Variants in ATF7 observed in about 807,000 individuals in gnomAD.
ATF7 encodes the protein cyclic AMP-dependent transcription factor ATF-7.
Under a neutral mutation model 50.4 loss-of-function variants are expected in ATF7, and 10 were observed. The observed-to-expected ratio is 0.20, with a 90% CI of 0.12 to 0.34. The LOEUF is 0.34. Among genes scored for constraint, ATF7 ranks in the 10% least tolerant of loss-of-function variants. The pLI, the probability that ATF7 is intolerant of heterozygous loss-of-function variation, is 1.00. For synonymous variants in ATF7, 201 were observed against 226.4 expected, an observed-to-expected ratio of 0.89 and a Z score of 1.01; for missense variants, 465 against 613.9, an observed-to-expected ratio of 0.76 and a Z score of 2.56.
intron 9 of ATF7, among the ~76,000 whole-genome samples, chr12:53,531,262 A>G (rs1938862593): frequency 1.3e-5 from 2 of 151,978 alleles, no homozygotes. Flanking sequence ...CTCTACTAAA[A>G]ATACAAAAAA....
chr12:53,582,673 G>A (rs1942488417), intron 2 of ATF7, among the ~76,000 whole-genome samples: 1 of 152,184 alleles, frequency 6.6e-6, no homozygotes, highest in Admixed American at 6.5e-5. Context: ...CCGCCTCCTG[G>A]GTTGACGCCA....
chr12:53,620,439 A>G (rs1183511516), intron 1 of ATF7, among the ~76,000 whole-genome samples: 3 of 150,114 alleles, frequency 2.0e-5, no homozygotes, highest in African/African-American at 4.9e-5. Context: ...AGCCGGGCGT[A>G]GTGGCGGGCG....
intron 3 of ATF7, among the ~76,000 whole-genome samples, chr12:53,544,273 C>T (rs1398681275): frequency 2.0e-5 from 3 of 152,180 alleles, no homozygotes; most frequent in Admixed American, 6.5e-5. Context: ...TTTACATTCT[C>T]CCTCCCAATC....
intron 4 of ATF7, among the ~76,000 whole-genome samples, chr12:53,542,277 A>AG (rs1939612522): frequency 6.6e-6 from 1 of 151,608 alleles, no homozygotes; most frequent in Non-Finnish European, 1.5e-5. Flanking sequence ...TAAAAAAAAA[A>AG]TTAGCCAGGT....
chr12:53,542,105 C>CTTTTTTTT (rs1565935478), intron 4 of ATF7, among the ~76,000 whole-genome samples: 1 of 81,896 alleles, frequency 1.2e-5, no homozygotes, highest in African/African-American at 4.5e-5. Flanking sequence ...TGCGCCTGGC[C>CTTTTTTTT]TGTTTTTTTT....
At chr12:53,588,483 T>C (rs1221648444) in intron 2 of ATF7, among the ~76,000 whole-genome samples, 4 of 152,206 alleles carry the variant, frequency 2.6e-5, no homozygotes, top group Non-Finnish European at 5.9e-5. Context: ...AATTCCACCT[T>C]AGTCATATTT....
At chr12:53,611,681 C>T (rs1354131863) in intron 1 of ATF7, among the ~76,000 whole-genome samples, 2 of 152,040 alleles carry the variant, frequency 1.3e-5, no homozygotes, top group African/African-American at 4.8e-5. Flanking sequence ...ACCTCTGCCT[C>T]CTGGGTTCAA....
downstream of ATF7, among the ~76,000 whole-genome samples, chr12:53,509,409 G>A (rs1299675461): frequency 6.6e-6 from 1 of 151,534 alleles, no homozygotes; most frequent in Non-Finnish European, 1.5e-5. Flanking sequence ...CGGGGTCTTA[G>A]TTTGCTCCAT....
intron 11 of ATF7, among the ~76,000 whole-genome samples, chr12:53,521,865 A>G (rs1016055126): frequency 4.6e-5 from 7 of 152,254 alleles, no homozygotes; most frequent in African/African-American, 1.7e-4. Context: ...CCTGAAGTAC[A>G]TATTAAAATT....
At chr12:53,623,032 G>A (rs538777203) in intron 1 of ATF7, among the ~76,000 whole-genome samples, 2 of 152,252 alleles carry the variant, frequency 1.3e-5, no homozygotes, top group Admixed American at 6.5e-5. Context: ...GAATGAAAGC[G>A]ATAAGTGTCA....
At chr12:53,573,292 G>A (rs1169104970) in intron 2 of ATF7, among the ~76,000 whole-genome samples, 1 of 152,064 alleles carries the variant, frequency 6.6e-6, no homozygotes, top group Non-Finnish European at 1.5e-5. Flanking sequence ...CCATATCCAT[G>A]GGGGACTGGT....
At chr12:53,564,822 G>T (rs1941355528) in intron 2 of ATF7, among the ~76,000 whole-genome samples, 1 of 152,078 alleles carries the variant, frequency 6.6e-6, no homozygotes, top group African/African-American at 2.4e-5. Flanking sequence ...GCCCGGAATG[G>T]CTTTCAACAT....
chr12:53,604,720 C>T (rs930278500), intron 1 of ATF7, among the ~76,000 whole-genome samples: 1 of 152,052 alleles, frequency 6.6e-6, no homozygotes, highest in East Asian at 1.9e-4. Flanking sequence ...GCAGATACTG[C>T]TAGGTACAAA....
At chr12:53,607,188 A>C (rs1187935464) in intron 1 of ATF7, among the ~76,000 whole-genome samples, 1 of 152,140 alleles carries the variant, frequency 6.6e-6, no homozygotes, top group Non-Finnish European at 1.5e-5. Context: ...AACAGTGTAA[A>C]AGTGTTCCTA....
intron 2 of ATF7, among the ~76,000 whole-genome samples, chr12:53,582,266 T>C (rs1026300116): frequency 6.6e-6 from 1 of 151,044 alleles, no homozygotes; most frequent in African/African-American, 2.4e-5. Flanking sequence ...GAGGTGTAGG[T>C]TGCAGTGAGC....
At chr12:53,584,880 C>T (rs543397796) in intron 2 of ATF7, among the ~76,000 whole-genome samples, 9 of 152,182 alleles carry the variant, frequency 5.9e-5, no homozygotes, top group African/African-American at 1.9e-4. Context: ...TGCTTGCCAG[C>T]GGTCAGTGGG....
chr12:53,617,313 A>C (rs1363415474), intron 1 of ATF7, among the ~76,000 whole-genome samples: 1 of 152,172 alleles, frequency 6.6e-6, no homozygotes, highest in Non-Finnish European at 1.5e-5. Context: ...ACCAATGCTT[A>C]TGTATTATGT....
At chr12:53,605,389 CAAA>C (rs11433998) in intron 1 of ATF7, among the ~76,000 whole-genome samples, 3 of 101,974 alleles carry the variant, frequency 2.9e-5, no homozygotes, top group Non-Finnish European at 3.8e-5. Flanking sequence ...AATTCTGTCT[CAAA>C]AAAAAAAAAA....
chr12:53,548,054 G>A (rs754005256), intron 3 of ATF7, among the ~76,000 whole-genome samples: 1 of 151,736 alleles, frequency 6.6e-6, no homozygotes. Context: ...TTGGTAGAGA[G>A]GGGGCCTTCA....
Sources: gnomAD v4.1 joint callset for allele counts (sites outside exome capture counted in the v4.1 genomes callset) on GRCh38, gnomAD v4.1.1 for gene constraint, MANE v1.5 for transcripts, NCBI Gene and HGNC (gene_info 2026-07-23, HGNC 2026-07-21) for gene names.